STAU2: variants seen among roughly 807,000 people sequenced by gnomAD.
The protein encoded by STAU2 is double-stranded RNA-binding protein Staufen homolog 2.
In STAU2, 20 loss-of-function variants were observed where a neutral mutation model predicts 65.9. The ratio of observed to expected loss-of-function variants is 0.30; its 90% CI spans 0.21 to 0.44. The LOEUF (loss-of-function observed/expected upper bound fraction) is 0.44, where lower values mean the gene tolerates loss of function less well. STAU2 is among the 20% of genes least tolerant of loss of function. The pLI, the probability that STAU2 is intolerant of heterozygous loss-of-function variation, is 1.00. For synonymous variants in STAU2, 232 were observed against 233.9 expected, an observed-to-expected ratio of 0.99 and a Z score of 0.07; for missense variants, 558 against 683.9, an observed-to-expected ratio of 0.82 and a Z score of 2.05.
intron 13 of STAU2, among the ~76,000 whole-genome samples, chr8:73,525,436 T>A (rs957092517): frequency 6.6e-6 from 1 of 152,140 alleles, no homozygotes; most frequent in Non-Finnish European, 1.5e-5. Flanking sequence ...AGGCACTTTT[T>A]TTTTCTAATT....
chr8:73,630,328 C>G (rs1471939785), intron 6 of STAU2, among the ~76,000 whole-genome samples: 1 of 152,218 alleles, frequency 6.6e-6, no homozygotes, highest in African/African-American at 2.4e-5. Context: ...TCCTCTTTAT[C>G]TTTGCCATGT....
At position 73,632,349 on chromosome 8, in the gene STAU2, A is replaced by G. The variant is rs138088869; in HGVS notation, c.411-14898T>C. On this transcript the variant is annotated intron_variant, in intron 6 of 14. Coordinates refer to ENST00000524300, the MANE Select transcript of STAU2 (RefSeq NM_001164380.2). ...CAAAGACAGGATGTCAAGCAAACCAATAAGTCATTCAAACCCAGTGTATAT... is the reference window on the plus strand; with the variant it reads ...CAAAGACAGGATGTCAAGCAAACCAGTAAGTCATTCAAACCCAGTGTATAT... Among the ~76,000 whole-genome samples the G allele has an allele frequency of 2.4e-3, 359 of 152,280 alleles. 1 individual carries two copies. The highest frequency in any genetic ancestry group is 8.2e-3 in the African/African-American group (342 of 41,556).
In STAU2 at chr8:73,649,244, C is replaced by T. The variant is rs932210440; in HGVS notation, c.410+23863G>A. The stretch of plus-strand genomic sequence containing the variant: ...TCCCATATTCTTGTTTCTAACTCAG[C>T]CAGTTAAAAATATTTTTTTGATATC... On this transcript the variant is annotated intron_variant, in intron 6 of 14. Coordinates refer to ENST00000524300, the MANE Select transcript of STAU2 (RefSeq NM_001164380.2). Among the ~76,000 whole-genome samples the T allele has an allele frequency of 3.3e-5, 5 of 152,300 alleles. No homozygotes were observed. In the South Asian group the frequency reaches 1.0e-3, roughly 32 times the overall value.
intron 13 of STAU2, among the ~76,000 whole-genome samples, chr8:73,453,823 A>G (rs1430374552): frequency 6.6e-6 from 1 of 151,970 alleles, no homozygotes; most frequent in Admixed American, 6.6e-5. Flanking sequence ...TCAGGCATGT[A>G]TCTGTTTTGT....
chr8:73,535,254 C>T (rs1806103396), intron 13 of STAU2, among the ~76,000 whole-genome samples: 1 of 152,106 alleles, frequency 6.6e-6, no homozygotes, highest in African/African-American at 2.4e-5. Context: ...ACTGCAAGCT[C>T]CACCTCCCGG....
At chr8:73,468,823 G>A (rs1456866454) in intron 13 of STAU2, among the ~76,000 whole-genome samples, 2 of 152,186 alleles carry the variant, frequency 1.3e-5, no homozygotes, top group African/African-American at 4.8e-5. Context: ...TGGAGAGGAT[G>A]TGGAGAAATA....
intron 13 of STAU2, among the ~76,000 whole-genome samples, chr8:73,499,544 T>C (rs1226744423): frequency 6.6e-6 from 1 of 151,824 alleles, no homozygotes; most frequent in Non-Finnish European, 1.5e-5. Context: ...CATAGGCCTT[T>C]GTATTTGGCA....
intron 12 of STAU2, among the ~76,000 whole-genome samples, chr8:73,558,758 G>A (rs1054029769): frequency 1.3e-5 from 2 of 152,038 alleles, no homozygotes; most frequent in Non-Finnish European, 2.9e-5. Context: ...TCCTTGGAAT[G>A]GGCATAGCTA....
chr8:73,502,936 T>C (rs1361064254), intron 13 of STAU2, among the ~76,000 whole-genome samples: 1 of 152,130 alleles, frequency 6.6e-6, no homozygotes, highest in Non-Finnish European at 1.5e-5. Flanking sequence ...CATAATTTTG[T>C]ATTTGGATTT....
At chr8:73,742,342 G>T in intron 1 of STAU2, 1 of 495,726 alleles carries the variant, frequency 2.0e-6, no homozygotes, top group Non-Finnish European at 2.6e-6. Flanking sequence ...AGACTAGCCT[G>T]GCGAACACGG....
At chr8:73,468,707 CTCA>C (rs1396411118) in intron 13 of STAU2, among the ~76,000 whole-genome samples, 8 of 152,156 alleles carry the variant, frequency 5.3e-5, no homozygotes, top group Non-Finnish European at 1.2e-4. Flanking sequence ...TGAAAAAATG[CTCA>C]TCATCACTGG....
rs564903371 is a variant in STAU2 at position 73,576,348 on chromosome 8, G to A, written c.1222+6422C>T. 2.6e-5 allele frequency among the ~76,000 whole-genome samples: 4 copies of A among 152,148 alleles called. No homozygotes were observed. In the South Asian group the frequency reaches 8.3e-4, roughly 32 times the overall value. ...TCTTAAATTGCAATCTTAAGTGGGG[G>A]GCGGGAGAGGGCAGAATTCCAGAGG... On this transcript the variant is annotated intron_variant, in intron 12 of 14. Coordinates refer to ENST00000524300, the MANE Select transcript of STAU2 (RefSeq NM_001164380.2).
At chr8:73,664,195 G>A (rs1817061909) in intron 6 of STAU2, among the ~76,000 whole-genome samples, 1 of 152,048 alleles carries the variant, frequency 6.6e-6, no homozygotes, top group Non-Finnish European at 1.5e-5. Context: ...GGGACTAGAG[G>A]CACACGCCAA....
At position 73,730,901 on chromosome 8, in the gene STAU2, T is replaced by G. The variant is rs184612285; in HGVS notation, c.-18+7383A>C. 9.7e-4 allele frequency among the ~76,000 whole-genome samples: 147 copies of G among 152,304 alleles called. 1 individual carries two copies. The highest frequency in any genetic ancestry group is 3.3e-3 in the African/African-American group (139 of 41,570). ...CCATTGCTAACGTCAAAGCAAGCAT[T>G]TTTTGACTGAATGACAAAAACTAAA... is the stretch of plus-strand genomic sequence containing the variant. On this transcript the variant is annotated intron_variant, in intron 3 of 14. Transcript: ENST00000524300.
chr8:73,478,045 TA>T (rs199834463), intron 13 of STAU2, among the ~76,000 whole-genome samples: 23 of 140,556 alleles, frequency 1.6e-4, no homozygotes, highest in African/African-American at 5.7e-4. Context: ...TATATATATA[TA>T]TTTTTTTTTG....
At chr8:73,741,855 G>A (rs56019433) in intron 1 of STAU2, among the ~76,000 whole-genome samples, 28,677 of 152,042 alleles carry the variant, frequency 0.19, 2,920 homozygotes, top group East Asian at 0.35. Context: ...ATTCCATGAA[G>A]TAACAAAAAA....
At chr8:73,526,958 G>A (rs1805493753) in intron 13 of STAU2, among the ~76,000 whole-genome samples, 1 of 152,182 alleles carries the variant, frequency 6.6e-6, no homozygotes, top group South Asian at 2.1e-4. Flanking sequence ...TTACACAGTT[G>A]TTCTACATAC....
intron 10 of STAU2, among the ~76,000 whole-genome samples, chr8:73,597,258 T>C (rs1049171814): frequency 6.6e-6 from 1 of 151,730 alleles, no homozygotes; most frequent in Non-Finnish European, 1.5e-5. Context: ...TTCTCTGAGA[T>C]GGGTATTTTT....
At chr8:73,464,600 G>A (rs1234002884) in intron 13 of STAU2, among the ~76,000 whole-genome samples, 7 of 101,886 alleles carry the variant, frequency 6.9e-5, no homozygotes, top group East Asian at 4.1e-4. Flanking sequence ...GTGTGCACGC[G>A]CACACACACA....
Sources: gnomAD v4.1 joint callset for allele counts (sites outside exome capture counted in the v4.1 genomes callset) on GRCh38, gnomAD v4.1.1 for gene constraint, MANE v1.5 for transcripts, NCBI Gene and HGNC (gene_info 2026-07-23, HGNC 2026-07-21) for gene names.